Variants in SEMA3C observed in about 807,000 individuals in gnomAD.
SEMA3C encodes the protein semaphorin-3C.
In SEMA3C, 47 loss-of-function variants were observed where a neutral mutation model predicts 89.4. The observed-to-expected ratio is 0.53, with a 90% CI of 0.42 to 0.67. SEMA3C has a LOEUF of 0.67. Among genes scored for constraint, SEMA3C ranks in the 30% least tolerant of loss-of-function variants. The pLI, the probability that SEMA3C is intolerant of heterozygous loss-of-function variation, is 0.00. For missense variants in SEMA3C, 839 were observed against 929.1 expected, an observed-to-expected ratio of 0.90 and a Z score of 1.26; for synonymous variants, 310 against 320.2, an observed-to-expected ratio of 0.97 and a Z score of 0.34.
intron 11 of SEMA3C, 21 bp downstream of exon 11, chr7:80,798,071 G>T (rs756488414): frequency 1.3e-6 from 2 of 1,585,854 alleles, no homozygotes; most frequent in Non-Finnish European, 8.5e-7. Context: ...TCATAACAAA[G>T]AATTTTCCCT....
chr7:80,918,379 T>C (rs1187842290), intron 1 of SEMA3C: 1 of 152,156 alleles, frequency 6.6e-6, no homozygotes, highest in East Asian at 1.9e-4. Flanking sequence ...GAAACGAAGA[T>C]AGTCTACAGG....
At chr7:80,903,018 C>T (rs1474645966) in intron 2 of SEMA3C, among the ~76,000 whole-genome samples, 2 of 152,154 alleles carry the variant, frequency 1.3e-5, no homozygotes, top group Non-Finnish European at 2.9e-5. Context: ...GGGTTTGATC[C>T]ACTATTTTGG....
chr7:80,921,295 C>T (rs1188590407), upstream of SEMA3C, among the ~76,000 whole-genome samples: 1 of 152,104 alleles, frequency 6.6e-6, no homozygotes, highest in East Asian at 1.9e-4. Context: ...AGCTCTGAGA[C>T]GTTTACAGTT....
At chr7:80,783,955 T>C (rs560906186) in intron 12 of SEMA3C, among the ~76,000 whole-genome samples, 1 of 152,304 alleles carries the variant, frequency 6.6e-6, no homozygotes, top group Admixed American at 6.5e-5. Context: ...AAAATCATAA[T>C]AGCATTAAAT....
chr7:80,753,093 C>T (rs1249235442), intron 15 of SEMA3C, among the ~76,000 whole-genome samples: 1 of 152,120 alleles, frequency 6.6e-6, no homozygotes, highest in Non-Finnish European at 1.5e-5. Flanking sequence ...TAGAAATCTA[C>T]TTATGGTAGA....
chr7:80,755,669 T>C lies in SEMA3C; in HGVS notation c.1643+2662A>G, dbSNP rs16886857. On this transcript the variant is annotated intron_variant, in intron 15 of 17. Coordinates refer to ENST00000265361, the MANE Select transcript of SEMA3C (RefSeq NM_006379.5). ...TGCAGGTGTTAGAGAGGCAAATTTT[T>C]AGAACATCTTGCTAAGTAAATAGTA... is the stretch of plus-strand genomic sequence containing the variant. Among the ~76,000 whole-genome samples, 628 of 152,172 alleles carry C rather than the reference T, an allele frequency of 4.1e-3. 6 individuals are homozygous for C. Among genetic ancestry groups the C allele is most frequent in the African/African-American group, 0.014 (587 of 41,518 alleles).
intron 2 of SEMA3C, among the ~76,000 whole-genome samples, chr7:80,872,217 C>T (rs1791075476): frequency 6.6e-6 from 1 of 152,134 alleles, no homozygotes; most frequent in African/African-American, 2.4e-5. Flanking sequence ...GTGGCGCAAT[C>T]TCGGCTCACT....
intron 2 of SEMA3C, among the ~76,000 whole-genome samples, chr7:80,863,467 A>C (rs984005716): frequency 7.2e-4 from 109 of 151,964 alleles, no homozygotes; most frequent in Non-Finnish European, 1.1e-3. Flanking sequence ...TAAAGAACTG[A>C]AAGTAGGACT....
At chr7:80,863,045 G>A (rs752124720) in intron 2 of SEMA3C, among the ~76,000 whole-genome samples, 2 of 151,972 alleles carry the variant, frequency 1.3e-5, no homozygotes, top group Non-Finnish European at 2.9e-5. Flanking sequence ...TCATGACCCA[G>A]AACCCAAAAA....
At chr7:80,829,940 T>G (rs958638912) in intron 2 of SEMA3C, among the ~76,000 whole-genome samples, 4 of 152,190 alleles carry the variant, frequency 2.6e-5, no homozygotes, top group Admixed American at 2.6e-4. Context: ...TTTTTAGGCA[T>G]TGAATGACAA....
At position 80,802,775 on chromosome 7, in the gene SEMA3C, T is replaced by C; in HGVS notation, c.806A>G (p.Asp269Gly). Reference protein sequence around the residue: ...HSMIARICPNDTGGLRSLVNK... With the variant: ...HSMIARICPNGTGGLRSLVNK... ...GACAAGGCTACGCAGTCCACCAGTG[T>C]CATTCTAAAACCATTTTGTAAACAT... Residue 269 changes from aspartate to glycine, a missense_variant, in exon 9 of 18, where the codon GAC becomes GGC. By Grantham distance (94) the Asp-to-Gly change is moderately conservative (BLOSUM62 -1). Coordinates refer to ENST00000265361, the MANE Select transcript of SEMA3C (RefSeq NM_006379.5). The C allele has an allele frequency of 6.2e-7, 1 of 1,608,952 alleles. No homozygotes were observed. Among genetic ancestry groups the C allele is most frequent in the Non-Finnish European group, 8.5e-7 (1 of 1,175,954 alleles).
rs1346847761 is a variant in SEMA3C at position 80,869,679 on chromosome 7, G to C, written c.104-40934C>G. ...CATGTTTTCCTCCTGTCAGTGTTTA[G>C]AATTATAAAATTGTATTGCTAGATT... On this transcript the variant is annotated intron_variant, in intron 2 of 17. Transcript: ENST00000265361. 3.9e-5 allele frequency among the ~76,000 whole-genome samples: 6 copies of C among 152,116 alleles called. No individual in the cohort carries two copies. In the South Asian group the frequency reaches 8.3e-4, roughly 21 times the overall value.
At chr7:80,899,769 G>C (rs913730297) in intron 2 of SEMA3C, among the ~76,000 whole-genome samples, 1 of 152,136 alleles carries the variant, frequency 6.6e-6, no homozygotes, top group Non-Finnish European at 1.5e-5. Context: ...AATAAAGACT[G>C]TCAACTGAAG....
chr7:80,883,102 T>C (rs1583976423), intron 2 of SEMA3C, among the ~76,000 whole-genome samples: 3 of 152,322 alleles, frequency 2.0e-5, no homozygotes, highest in Admixed American at 6.5e-5. Flanking sequence ...TTTACTGTTA[T>C]ATACCTTTAT....
In SEMA3C at chr7:80,827,544, G is replaced by A. The variant is rs1789905836; in HGVS notation, c.265-57C>T. ...TCTCACCTGGACATATGACAGCCCA[G>A]TGCTCTTCATTTACTTTTTGTTAAC... On this transcript the variant is annotated intron_variant, in intron 3 of 17. Transcript: ENST00000265361. The A allele has an allele frequency of 5.1e-6, 7 of 1,380,672 alleles. No homozygotes were observed. In the South Asian group the frequency reaches 1.0e-4, roughly 20 times the overall value. 85.5% of individuals were successfully genotyped at this position (1,380,672 alleles called of 1,614,324 possible).
chr7:80,767,713 G>A (rs1235272773), intron 12 of SEMA3C, among the ~76,000 whole-genome samples: 1 of 152,026 alleles, frequency 6.6e-6, no homozygotes, highest in South Asian at 2.1e-4. Flanking sequence ...AAATTCTACT[G>A]AAAATGTCAT....
intron 5 of SEMA3C, chr7:80,816,233 A>G (rs925358594): frequency 1.3e-5 from 2 of 152,206 alleles, no homozygotes; most frequent in Non-Finnish European, 2.9e-5. Context: ...CCCTAGAACC[A>G]ATGAATATCT....
Position 80,802,773 on chromosome 7 carries a change from T to C in SEMA3C, c.808A>G (p.Thr270Ala). 2 of 1,610,176 alleles carry C rather than the reference T, an allele frequency of 1.2e-6. No homozygotes were observed. The highest frequency in any genetic ancestry group is 1.7e-6 in the Non-Finnish European group (2 of 1,176,960). Residue 270 changes from threonine (T) to alanine (A), a missense_variant, in exon 9 of 18, where the codon ACT becomes GCT. Thr to Ala is a moderately conservative substitution (Grantham distance 58). Transcript: ENST00000265361. ...TTGACAAGGCTACGCAGTCCACCAG[T>C]GTCATTCTAAAACCATTTTGTAAAC... ...SMIARICPNDTGGLRSLVNKW... is the reference protein window; with the variant it reads ...SMIARICPNDAGGLRSLVNKW...
At chr7:80,837,996 AT>A (rs944400146) in intron 2 of SEMA3C, among the ~76,000 whole-genome samples, 9 of 152,168 alleles carry the variant, frequency 5.9e-5, no homozygotes, top group African/African-American at 1.9e-4. Flanking sequence ...ACATTCTACC[AT>A]TTTTTTGTTT....
Sources: allele counts gnomAD v4.1 joint callset (sites outside exome capture counted in the v4.1 genomes callset), GRCh38; gene constraint gnomAD v4.1.1; transcripts MANE v1.5; gene names NCBI Gene and HGNC (gene_info 2026-07-23, HGNC 2026-07-21).